The following MRE11 variants were observed in gnomAD, a reference collection of about 807,000 sequenced individuals.
The protein encoded by MRE11 is double-strand break repair protein MRE11.
In MRE11, 62 loss-of-function variants were observed where a neutral mutation model predicts 91.7. That is an observed-to-expected ratio of 0.68 (90% CI 0.55 to 0.84). MRE11 has a LOEUF of 0.84. Among genes scored for constraint, MRE11 ranks in the 40% least tolerant of loss-of-function variants. The pLI is 0.00. For synonymous variants in MRE11, 273 were observed against 271.4 expected (o/e 1.01, Z -0.06); for missense variants, 796 against 852.9 (o/e 0.93, Z 0.83).
At chr11:94,422,058 A>G (rs1228980674) in intron 19 of MRE11, among the ~76,000 whole-genome samples, 1 of 152,260 alleles carries the variant, frequency 6.6e-6, no homozygotes, top group Non-Finnish European at 1.5e-5. Flanking sequence ...TACAATTAAC[A>G]ATTTTTTAAA....
chr11:94,466,163 G>T (rs554982507), intron 10 of MRE11, among the ~76,000 whole-genome samples: 2 of 152,290 alleles, frequency 1.3e-5, no homozygotes, highest in African/African-American at 4.8e-5. Context: ...GCACCCAGGG[G>T]ACGGCAGCTT....
At chr11:94,507,812 C>A in the MRE11 span, among the ~76,000 whole-genome samples, 2 of 152,000 alleles carry the variant, frequency 1.3e-5, no homozygotes, top group East Asian at 1.9e-4. Flanking sequence ...TCATCTTTCT[C>A]CATTTTCTTT....
At chr11:94,490,617 A>G (rs1947260230) in intron 3 of MRE11, among the ~76,000 whole-genome samples, 1 of 152,230 alleles carries the variant, frequency 6.6e-6, no homozygotes, top group Non-Finnish European at 1.5e-5. Flanking sequence ...CCCCAAAAAC[A>G]TTTGTAAATT....
intron 18 of MRE11, among the ~76,000 whole-genome samples, 186 bp from the exon 19 acceptor site, chr11:94,430,172 C>T (rs529540473): frequency 6.6e-6 from 1 of 152,188 alleles, no homozygotes; most frequent in Non-Finnish European, 1.5e-5. Context: ...GAGGTTTGAA[C>T]TCTGGTTTTG....
intron 3 of MRE11, among the ~76,000 whole-genome samples, chr11:94,487,903 G>C (rs1402509841): frequency 2.0e-5 from 3 of 152,190 alleles, no homozygotes; most frequent in Non-Finnish European, 4.4e-5. Flanking sequence ...CTAGGGAACA[G>C]AACTAAGACT....
intron 7 of MRE11, among the ~76,000 whole-genome samples, chr11:94,474,342 A>T (rs1946798180): frequency 6.6e-6 from 1 of 152,150 alleles, no homozygotes; most frequent in African/African-American, 2.4e-5. Flanking sequence ...AAGGACACAG[A>T]GGCCAACATA....
the MRE11 span, among the ~76,000 whole-genome samples, chr11:94,511,999 C>T: frequency 6.6e-6 from 1 of 152,376 alleles, no homozygotes; most frequent in East Asian, 1.9e-4. Context: ...TCAGTATTTA[C>T]TTATTCAATC....
rs1349461273 is a variant in MRE11 at position 94,479,775 on chromosome 11, A to G, written c.315-14T>C. ...ACCCATGGAAACCTTAAAAAAAAAA[A>G]GTTACTTAAAATTTCCATACGGGAC... On this transcript the variant is annotated splice_polypyrimidine_tract_variant and intron_variant, in intron 4 of 19. Coordinates refer to ENST00000323929, the MANE Select transcript of MRE11 (RefSeq NM_005591.4). 6.3e-7 allele frequency: 1 copy of G among 1,596,368 alleles called. No homozygotes were observed.
At chr11:94,438,404 T>C (rs1945682976) in intron 16 of MRE11, among the ~76,000 whole-genome samples, 1 of 152,194 alleles carries the variant, frequency 6.6e-6, no homozygotes, top group South Asian at 2.1e-4. Flanking sequence ...GTCCCCAAAC[T>C]TGTAATATCT....
intron 8 of MRE11, among the ~76,000 whole-genome samples, chr11:94,471,262 A>T (rs1946702029): frequency 6.6e-6 from 1 of 152,080 alleles, no homozygotes; most frequent in Non-Finnish European, 1.5e-5. Context: ...ATAATTTTTT[A>T]TAATGAACTT....
At chr11:94,487,633 T>C (rs182793540) in intron 3 of MRE11, among the ~76,000 whole-genome samples, 1 of 152,324 alleles carries the variant, frequency 6.6e-6, no homozygotes, top group Non-Finnish European at 1.5e-5. Flanking sequence ...CAGGGACAAT[T>C]GGCAACATCT....
intron 7 of MRE11, 103 bp downstream of exon 7, chr11:94,476,186 C>T (rs1269795772): frequency 2.7e-6 from 2 of 736,112 alleles, no homozygotes; most frequent in Non-Finnish European, 4.8e-6. Context: ...CTTGCATTGA[C>T]AACCTTGAAA....
intron 16 of MRE11, among the ~76,000 whole-genome samples, chr11:94,444,834 A>T (rs947853666): frequency 9.3e-5 from 14 of 149,968 alleles, no homozygotes; most frequent in Non-Finnish European, 1.6e-4. Flanking sequence ...TATAATATTT[A>T]AAAAATATTT....
intron 16 of MRE11, among the ~76,000 whole-genome samples, chr11:94,437,864 C>A (rs532453494): frequency 7.9e-5 from 12 of 152,270 alleles, no homozygotes; most frequent in African/African-American, 2.9e-4. Context: ...GTGGCTCACG[C>A]CTGTAATCCC....
At chr11:94,496,965 T>A (rs373617870), upstream of MRE11, 7 of 1,610,456 alleles carry the variant, frequency 4.3e-6, no homozygotes, top group Non-Finnish European at 5.9e-6. Context: ...AAAAAAAAAA[T>A]TACAGAGGGA....
At chr11:94,451,883 G>GT (rs1052463045) in intron 14 of MRE11, among the ~76,000 whole-genome samples, 1 of 152,134 alleles carries the variant, frequency 6.6e-6, no homozygotes, top group Non-Finnish European at 1.5e-5. Context: ...ATGTGTTCAA[G>GT]TGAGTGCTCT....
At chr11:94,444,208 C>A (rs1046770824) in intron 16 of MRE11, among the ~76,000 whole-genome samples, 6 of 152,078 alleles carry the variant, frequency 3.9e-5, no homozygotes, top group Non-Finnish European at 5.9e-5. Flanking sequence ...TGCGCCTGGC[C>A]AACCATTTTT....
intron 7 of MRE11, chr11:94,473,339 C>T (rs1184023372): frequency 6.6e-6 from 1 of 151,954 alleles, no homozygotes; most frequent in African/African-American, 2.4e-5. Context: ...TGGTTCTTTC[C>T]CGGAAGAAGA....
intron 19 of MRE11, 90 bp from the exon 20 acceptor site, chr11:94,420,271 A>C: frequency 2.0e-6 from 2 of 1,007,098 alleles, no homozygotes; most frequent in Non-Finnish European, 3.1e-6. Context: ...AATACCAGTG[A>C]GAGTCATTTC....
Sources: gnomAD v4.1 joint callset for allele counts (sites outside exome capture counted in the v4.1 genomes callset) on GRCh38, gnomAD v4.1.1 for gene constraint, MANE v1.5 for transcripts, NCBI Gene and HGNC (gene_info 2026-07-23, HGNC 2026-07-21) for gene names.